Variants in GRM7 observed in about 807,000 individuals in gnomAD.
The protein encoded by GRM7 is metabotropic glutamate receptor 7.
Under a neutral mutation model 84.5 loss-of-function variants are expected in GRM7, and 35 were observed. The observed-to-expected ratio is 0.41, with a 90% CI of 0.32 to 0.55. The LOEUF is 0.55. Among genes scored for constraint, GRM7 ranks in the 20% least tolerant of loss-of-function variants. The pLI is 0.19. For missense variants in GRM7, 1,003 were observed against 1,194.6 expected, an observed-to-expected ratio of 0.84 and a Z score of 2.36; for synonymous variants, 487 against 455.1, an observed-to-expected ratio of 1.07 and a Z score of -0.89.
chr3:7,648,439 G>T (rs968635540), intron 8 of GRM7, among the ~76,000 whole-genome samples: 1 of 151,940 alleles, frequency 6.6e-6, no homozygotes, highest in Non-Finnish European at 1.5e-5. Flanking sequence ...CTGAGGTCAG[G>T]AGTTCGAGAC....
chr3:7,206,083 T>C (rs1483217883), intron 2 of GRM7, among the ~76,000 whole-genome samples: 1 of 152,182 alleles, frequency 6.6e-6, no homozygotes, highest in Non-Finnish European at 1.5e-5. Context: ...TGTTGTGTTG[T>C]GGTAAGCGGG....
intron 2 of GRM7, among the ~76,000 whole-genome samples, chr3:7,259,161 ACAC>A (rs1390369103): frequency 3.3e-5 from 5 of 152,208 alleles, no homozygotes; most frequent in Non-Finnish European, 7.3e-5. Context: ...AGCATGCCAA[ACAC>A]TGGTAAATTG....
At position 6,949,102 on chromosome 3, in the gene GRM7, T is replaced by A. The variant is rs191322524; in HGVS notation, c.519+87195T>A. On this transcript the variant is annotated intron_variant, in intron 1 of 9. Transcript: ENST00000357716. ...TGTGAATTTTATCCTATCATTATGA[T>A]GTTAGCTGGTTATTTTGCTCATTAG... Among the ~76,000 whole-genome samples, 436 of 152,318 alleles carry A rather than the reference T, an allele frequency of 2.9e-3. 4 individuals carry two copies. Among genetic ancestry groups the A allele is most frequent in the African/African-American group, 0.01 (424 of 41,576 alleles).
chr3:7,390,483 A>G (rs1694948044), intron 4 of GRM7, among the ~76,000 whole-genome samples: 1 of 152,246 alleles, frequency 6.6e-6, no homozygotes, highest in South Asian at 2.1e-4. Flanking sequence ...CCAATAAATC[A>G]TAGATTCGGT....
At chr3:7,077,570 CG>C (rs1698134505) in intron 1 of GRM7, among the ~76,000 whole-genome samples, 1 of 5,342 alleles carries the variant, frequency 1.9e-4, no homozygotes, top group East Asian at 3.8e-3. Context: ...TGGGGCCTGT[CG>C]GGGGGTGGGG....
chr3:7,548,392 G>A (rs1693275791), intron 7 of GRM7, among the ~76,000 whole-genome samples: 2 of 152,206 alleles, frequency 1.3e-5, no homozygotes, highest in Admixed American at 1.3e-4. Context: ...AGCCAAGCAG[G>A]TGCTAGTGCC....
intron 8 of GRM7, among the ~76,000 whole-genome samples, chr3:7,618,957 G>A (rs756090945): frequency 6.6e-6 from 1 of 152,078 alleles, no homozygotes; most frequent in African/African-American, 2.4e-5. Context: ...GAGGTTCGGA[G>A]ATCAAAAAAA....
chr3:7,448,657 A>G (rs1345935308), intron 5 of GRM7, among the ~76,000 whole-genome samples: 9 of 152,176 alleles, frequency 5.9e-5, no homozygotes, highest in Admixed American at 5.9e-4. Flanking sequence ...TTTTGTTGAT[A>G]TAAGGCTACA....
intron 1 of GRM7, among the ~76,000 whole-genome samples, chr3:7,074,797 G>C (rs974740546): frequency 6.6e-6 from 1 of 152,138 alleles, no homozygotes; most frequent in Non-Finnish European, 1.5e-5. Flanking sequence ...TTTTTGGAAT[G>C]GTTTTAATAT....
At chr3:6,907,612 A>T (rs545823393) in intron 1 of GRM7, among the ~76,000 whole-genome samples, 6 of 152,328 alleles carry the variant, frequency 3.9e-5, no homozygotes, top group African/African-American at 4.8e-5. Context: ...ACACAATGCT[A>T]CTTTCCCCTA....
chr3:7,534,587 A>C (rs1207467181), intron 7 of GRM7, among the ~76,000 whole-genome samples: 1 of 152,142 alleles, frequency 6.6e-6, no homozygotes, highest in East Asian at 1.9e-4. Context: ...CCAGAATCCA[A>C]GTGTCTCATT....
At chr3:7,080,172 C>T (rs147491479) in intron 1 of GRM7, among the ~76,000 whole-genome samples, 23 of 152,158 alleles carry the variant, frequency 1.5e-4, no homozygotes, top group African/African-American at 4.8e-4. Context: ...GAAAACTAAT[C>T]CAAAAATATG....
intron 8 of GRM7, among the ~76,000 whole-genome samples, chr3:7,580,024 T>A (rs1184517453): frequency 6.6e-6 from 1 of 152,226 alleles, no homozygotes; most frequent in South Asian, 2.1e-4. Context: ...CAATATTTGG[T>A]GCAGAGCTAG....
intron 1 of GRM7, among the ~76,000 whole-genome samples, chr3:6,957,274 G>T (rs1274669386): frequency 6.6e-6 from 1 of 152,182 alleles, no homozygotes; most frequent in Non-Finnish European, 1.5e-5. Flanking sequence ...CCAGGACTCA[G>T]AGCTTTCCAT....
At chr3:7,453,276 A>T (rs1312719990) in intron 6 of GRM7, among the ~76,000 whole-genome samples, 1 of 152,044 alleles carries the variant, frequency 6.6e-6, no homozygotes, top group Non-Finnish European at 1.5e-5. Context: ...ACACAAGCTG[A>T]CTGTCCTCTA....
chr3:6,906,557 A>C (rs766850639), intron 1 of GRM7, among the ~76,000 whole-genome samples: 7 of 152,104 alleles, frequency 4.6e-5, no homozygotes, highest in Non-Finnish European at 1.0e-4. Flanking sequence ...GGGGGCATTT[A>C]AAATAATTGA....
At chr3:7,254,213 G>T (rs896971954) in intron 2 of GRM7, among the ~76,000 whole-genome samples, 2 of 152,168 alleles carry the variant, frequency 1.3e-5, no homozygotes, top group Non-Finnish European at 2.9e-5. Context: ...AAGGCCCCGT[G>T]CTTGGTTTAG....
intron 4 of GRM7, among the ~76,000 whole-genome samples, chr3:7,390,534 CTT>C (rs1321156182): frequency 6.6e-6 from 1 of 151,944 alleles, no homozygotes; most frequent in East Asian, 1.9e-4. Context: ...CTTTACTCAT[CTT>C]TTAAAATTCT....
chr3:6,959,386 G>A (rs935890225), intron 1 of GRM7, among the ~76,000 whole-genome samples: 2 of 151,918 alleles, frequency 1.3e-5, no homozygotes, highest in Non-Finnish European at 2.9e-5. Flanking sequence ...TTCAAATTTG[G>A]AATTCTTCAG....
Sources: gnomAD v4.1 joint callset for allele counts (sites outside exome capture counted in the v4.1 genomes callset) on GRCh38, gnomAD v4.1.1 for gene constraint, MANE v1.5 for transcripts, NCBI Gene and HGNC (gene_info 2026-07-23, HGNC 2026-07-21) for gene names.